The following SALL1 variants were observed in gnomAD, a reference collection of about 807,000 sequenced individuals.
SALL1 encodes the protein sal-like protein 1.
In SALL1, 10 loss-of-function variants were observed where a neutral mutation model predicts 73.1. The observed-to-expected ratio is 0.14, with a 90% CI of 0.08 to 0.23. SALL1 has a LOEUF of 0.23. SALL1 is among the 10% of genes least tolerant of loss of function. The probability of loss-of-function intolerance (pLI) is 1.00; values close to 1 mark genes in which losing one functional copy is unlikely to be tolerated. For missense variants in SALL1, 1,520 were observed against 1,697.3 expected, an observed-to-expected ratio of 0.90 and a Z score of 1.84; for synonymous variants, 688 against 689.8, an observed-to-expected ratio of 1.00 and a Z score of 0.04.
chr16:51,136,131 T>G lies in SALL1; in HGVS notation c.*981A>C, dbSNP rs1165518758. On this transcript the variant is annotated 3_prime_UTR_variant, in exon 3 of 3. Transcript: ENST00000251020. ...AAAGTGCATGTAACAGTCCAATTTTTTTCTTCCATACCTAAGACAAAATAA... is the reference window on the plus strand; with the variant it reads ...AAAGTGCATGTAACAGTCCAATTTTGTTCTTCCATACCTAAGACAAAATAA... The G allele has an allele frequency of 6.5e-6, 1 of 152,678 alleles. No individual in the cohort carries two copies. Among genetic ancestry groups the G allele is most frequent in the African/African-American group, 2.4e-5 (1 of 41,466 alleles). 9.5% of individuals were successfully genotyped at this position (152,678 alleles called of 1,614,324 possible).
Position 51,141,842 on chromosome 16 carries a change from A to G in SALL1, c.380T>C (p.Val127Ala). The change falls in exon 2 of 3, where the codon GTG becomes GCG. Residue 127 changes from valine (V) to alanine (A), a missense_variant. Val to Ala is a moderately conservative substitution (Grantham distance 64). Around this residue, in one of 7 missense-constraint regions of SALL1, gnomAD observed 540 missense variants for 567.5 expected, o/e 0.95. Transcript: ENST00000251020. The surrounding 1 kb of genome is among the most constrained non-coding windows in gnomAD (Gnocchi z 5.4). The stretch of plus-strand genomic sequence containing the variant: ...GCTTTTGTTAGCAACCGGGGCCTCC[A>G]CCTCCATGGACTCTTCCCTGTCAAG... ...NGLDREESME[V>A]EAPVANKSGS... is the part of the protein sequence containing the mutation. 1 of 1,612,986 alleles carries G rather than the reference A, an allele frequency of 6.2e-7. No individual in the cohort carries two copies. The highest frequency in any genetic ancestry group is 8.5e-7 in the Non-Finnish European group (1 of 1,179,966).
chr16:51,150,264 T>C (rs1288060062), intron 1 of SALL1: 1 of 311,262 alleles, frequency 3.2e-6, no homozygotes, highest in African/African-American at 2.2e-5. Context: ...TGCCCCTGTT[T>C]CAGGGGGGAT....
rs900368545 is a variant in SALL1, at chr16:51,136,262, A to G, written c.*850T>C. On this transcript the variant is annotated 3_prime_UTR_variant, in exon 3 of 3. Transcript: ENST00000251020. ...TATTTCTTATTGTATATACAAGAGCATCTACATTTTCTCCACTGAAGGTTG... is the reference window on the plus strand; with the variant it reads ...TATTTCTTATTGTATATACAAGAGCGTCTACATTTTCTCCACTGAAGGTTG... 3.3e-5 allele frequency: 5 copies of G among 152,702 alleles called. No individual in the cohort carries two copies. Among genetic ancestry groups the G allele is most frequent in the Non-Finnish European group, 4.4e-5 (3 of 68,052 alleles). The allele number at this position is 152,702 out of a possible 1,614,324, so 9.5% of individuals were successfully genotyped here.
At chr16:51,147,192 G>A (rs1413790503) in intron 1 of SALL1, among the ~76,000 whole-genome samples, 2 of 152,212 alleles carry the variant, frequency 1.3e-5, no homozygotes, top group African/African-American at 4.8e-5. Flanking sequence ...ATGAACTCTA[G>A]GGGAAATGTG....
rs993442343 is a variant in SALL1 at position 51,141,828 on chromosome 16, C to T, written c.394G>A (p.Ala132Thr). 6.2e-7 allele frequency: 1 copy of T among 1,613,796 alleles called. No homozygotes were observed. Among genetic ancestry groups the T allele is most frequent in the Admixed American group, 1.7e-5 (1 of 60,004 alleles). ...GAAGTGCCGCTGCCGCTTTTGTTAGCAACCGGGGCCTCCACCTCCATGGAC... is the reference window on the plus strand; with the variant it reads ...GAAGTGCCGCTGCCGCTTTTGTTAGTAACCGGGGCCTCCACCTCCATGGAC... Reference protein sequence around the residue: ...EESMEVEAPVANKSGSGTSSG... With the variant: ...EESMEVEAPVTNKSGSGTSSG... Residue 132 changes from alanine to threonine, a missense_variant, in exon 2 of 3, where the codon GCT becomes ACT. Physicochemically the swap from Ala to Thr is moderately conservative, Grantham distance 58. Transcript: ENST00000251020. This position sits in a 1 kb window ranked among gnomAD's most constrained non-coding sequence, Gnocchi z 5.4.
rs1328320770 is a variant in SALL1 at position 51,141,840 on chromosome 16, C to T, written c.382G>A (p.Glu128Lys). Residue 128 changes from glutamate (E) to lysine (K), a missense_variant, in exon 2 of 3, where the codon GAG (glutamate) becomes AAG (lysine). Coordinates refer to ENST00000251020, the MANE Select transcript of SALL1 (RefSeq NM_002968.3). This position sits in a 1 kb window ranked among gnomAD's most constrained non-coding sequence, Gnocchi z 5.4. ...GLDREESMEV[E>K]APVANKSGSG... ...CCGCTTTTGTTAGCAACCGGGGCCT[C>T]CACCTCCATGGACTCTTCCCTGTCA... 2 of 1,613,746 alleles carry T rather than the reference C, an allele frequency of 1.2e-6. No homozygotes were observed. The highest frequency in any genetic ancestry group is 2.7e-5 in the African/African-American group (2 of 74,884).
chr16:51,151,124 A>C, intron 1 of SALL1, 42 bp downstream of exon 1: 1 of 1,483,274 alleles, frequency 6.7e-7, no homozygotes, highest in Admixed American at 1.9e-5. Flanking sequence ...CGTGAGTGTG[A>C]GTGCGTGTGT....
At chr16:51,147,780 A>AACACACACAC (rs145285801) in intron 1 of SALL1, among the ~76,000 whole-genome samples, 2,826 of 146,248 alleles carry the variant, frequency 0.019, 66 homozygotes, top group South Asian at 0.1. Context: ...GAAGAACTCC[A>AACACACACAC]ACACACACAC....
intron 1 of SALL1, among the ~76,000 whole-genome samples, chr16:51,148,526 C>T (rs914726991): frequency 3.3e-5 from 5 of 152,028 alleles, no homozygotes; most frequent in Non-Finnish European, 5.9e-5. Flanking sequence ...TGTTTCTTTA[C>T]GTAAAAAACA....
rs1242681676 is a variant in SALL1 at position 51,151,267 on chromosome 16, G to A, written c.-26C>T. 3 of 1,497,008 alleles carry A rather than the reference G, an allele frequency of 2.0e-6. No individual in the cohort carries two copies. The highest frequency in any genetic ancestry group is 2.0e-5 in the Admixed American group (1 of 50,220). 92.7% of individuals were successfully genotyped at this position (1,497,008 alleles called of 1,614,324 possible). On this transcript the variant is annotated 5_prime_UTR_variant, in exon 1 of 3. Coordinates refer to ENST00000251020, the MANE Select transcript of SALL1 (RefSeq NM_002968.3). ...GCTGGCTCAAACATCAGCTGGGGCA[G>A]AATAAAAAATTACTAAAAAAAAATC...
chr16:51,142,444 C>G lies in SALL1; in HGVS notation c.77-299G>C, dbSNP rs184708098. The stretch of plus-strand genomic sequence containing the variant: ...AATTCCATAGCAAAATATTGATTTC[C>G]AATCTTTTATACACCTTATTGTCTA... On this transcript the variant is annotated intron_variant, in intron 1 of 2. Coordinates refer to ENST00000251020, the MANE Select transcript of SALL1 (RefSeq NM_002968.3). Among the ~76,000 whole-genome samples, 24 of 152,204 alleles carry G rather than the reference C, an allele frequency of 1.6e-4. No individual in the cohort carries two copies. The East Asian group carries it at 4.2e-3, about 27-fold the overall frequency.
rs771259823 is a variant in SALL1, at chr16:51,137,061, T to C, written c.*51A>G. The C allele has an allele frequency of 8.3e-6, 13 of 1,571,946 alleles. No homozygotes were observed. In the East Asian group the frequency reaches 9.0e-5, roughly 11 times the overall value. On this transcript the variant is annotated 3_prime_UTR_variant, in exon 3 of 3. Transcript: ENST00000251020. Reference sequence around the variant, plus strand: ...GGGGGCAAGGAGTAGGAGGCCACCATAGGTCGCATTCTGAACAGGAATGAA... The same window carrying C: ...GGGGGCAAGGAGTAGGAGGCCACCACAGGTCGCATTCTGAACAGGAATGAA...
Position 51,137,428 on chromosome 16 carries a change from T to C in SALL1, c.3659A>G (p.Asp1220Gly), listed in dbSNP as rs1232605057. 1 of 1,614,018 alleles carries C rather than the reference T, an allele frequency of 6.2e-7. No homozygotes were observed. The highest frequency in any genetic ancestry group is 1.1e-5 in the South Asian group (1 of 91,056). ...CCCACTTCCTGATCTTGCCGCCAAATCCTTCTGGAACATTTCTGGGAACTT... is the reference window on the plus strand; with the variant it reads ...CCCACTTCCTGATCTTGCCGCCAAACCCTTCTGGAACATTTCTGGGAACTT... ...PVKFPEMFQK[D>G]LAARSGSGDP... The change falls in exon 3 of 3, where the codon GAT (aspartate) becomes GGT (glycine). Residue 1220 changes from aspartate to glycine, a missense_variant. By Grantham distance (94) the Asp-to-Gly change is moderately conservative. Around this residue, in one of 7 missense-constraint regions of SALL1, gnomAD observed 318 missense variants for 357.1 expected, o/e 0.89. Coordinates refer to ENST00000251020, the MANE Select transcript of SALL1 (RefSeq NM_002968.3).
At chr16:51,145,895 G>T (rs1277639605) in intron 1 of SALL1, among the ~76,000 whole-genome samples, 1 of 151,324 alleles carries the variant, frequency 6.6e-6, no homozygotes, top group East Asian at 1.9e-4. Context: ...CTCCCTAATA[G>T]AATTTCTCAT....
At chr16:51,142,841 C>T (rs547811236) in intron 1 of SALL1, among the ~76,000 whole-genome samples, 5 of 152,330 alleles carry the variant, frequency 3.3e-5, no homozygotes, top group African/African-American at 1.2e-4. Flanking sequence ...TAATCCATTA[C>T]AAGGCTTGCC....
chr16:51,139,376 T>C lies in SALL1; in HGVS notation c.2846A>G (p.Gln949Arg), dbSNP rs889576974. Reference sequence around the variant, plus strand: ...GGCAAACTCGCTTGGGACCGCTCTCTGTGGTTTCTCCTCAATGCTGGGTGA... The same window carrying C: ...GGCAAACTCGCTTGGGACCGCTCTCCGTGGTTTCTCCTCAATGCTGGGTGA... The part of the protein sequence containing the change: ...HKSPSIEEKP[Q>R]RAVPSEFANG... Residue 949 changes from glutamine to arginine, a missense_variant, in exon 2 of 3, where the codon CAG (glutamine) becomes CGG (arginine). By Grantham distance (43) the Gln-to-Arg change is conservative. Coordinates refer to ENST00000251020, the MANE Select transcript of SALL1 (RefSeq NM_002968.3). 4 of 1,614,150 alleles carry C rather than the reference T, an allele frequency of 2.5e-6. No homozygotes were observed. The highest frequency in any genetic ancestry group is 1.1e-5 in the South Asian group (1 of 91,074).
At chr16:51,150,405 G>A (rs967916024) in intron 1 of SALL1, 7 of 985,462 alleles carry the variant, frequency 7.1e-6, no homozygotes, top group Non-Finnish European at 8.4e-6. Context: ...GGGGCAGAGG[G>A]TGCAAGTGTT....
intron 1 of SALL1, chr16:51,150,911 C>T (rs1962588591): frequency 5.3e-6 from 2 of 379,446 alleles, no homozygotes; most frequent in African/African-American, 2.1e-5. Flanking sequence ...CCTCCTTCCC[C>T]CGGGAGGACC....
intron 1 of SALL1, chr16:51,150,890 G>A: frequency 2.8e-6 from 1 of 358,582 alleles, no homozygotes; most frequent in Non-Finnish European, 5.0e-6. Context: ...AAGCCAGGCC[G>A]GCATGCCCGC....
Sources: allele counts gnomAD v4.1 joint callset (sites outside exome capture counted in the v4.1 genomes callset), GRCh38; gene constraint gnomAD v4.1.1; regional missense constraint gnomAD v4.1.1; non-coding constraint Gnocchi (gnomAD v3.1); transcripts MANE v1.5; gene names NCBI Gene and HGNC (gene_info 2026-07-23, HGNC 2026-07-21).